PTPRM: variants seen among roughly 807,000 people sequenced by gnomAD.
PTPRM encodes receptor-type tyrosine-protein phosphatase mu.
Under a neutral mutation model 186.7 loss-of-function variants are expected in PTPRM, and 47 were observed. The ratio of observed to expected loss-of-function variants is 0.25; its 90% confidence interval spans 0.20 to 0.32. The LOEUF is 0.32. Among genes scored for constraint, PTPRM ranks in the 10% least tolerant of loss-of-function variants. The pLI is 1.00. For synonymous variants in PTPRM, 668 were observed against 674.9 expected (o/e 0.99, Z 0.16); for missense variants, 1,494 against 1,865.0 (o/e 0.80, Z 3.66).
chr18:7,622,415 C>A (rs79378424), intron 1 of PTPRM, among the ~76,000 whole-genome samples: 10,357 of 152,104 alleles, frequency 0.068, 512 homozygotes, highest in South Asian at 0.2. Context: ...TGATACTGGG[C>A]TCCCAGGGGT....
chr18:8,289,535 CACAT>C (rs2095007077), intron 19 of PTPRM, among the ~76,000 whole-genome samples: 3 of 65,008 alleles, frequency 4.6e-5, no homozygotes, highest in East Asian at 2.8e-4. Context: ...CATATATATA[CACAT>C]ATATATATAT....
At chr18:8,193,824 A>G (rs1446907251) in intron 14 of PTPRM, among the ~76,000 whole-genome samples, 1 of 152,158 alleles carries the variant, frequency 6.6e-6, no homozygotes, top group Non-Finnish European at 1.5e-5. Flanking sequence ...CACCCAGGCC[A>G]CTCTGCTATG....
At chr18:7,591,933 C>G (rs935483338) in intron 1 of PTPRM, among the ~76,000 whole-genome samples, 1 of 152,158 alleles carries the variant, frequency 6.6e-6, no homozygotes, top group African/African-American at 2.4e-5. Flanking sequence ...ATACCAACCT[C>G]AGGGGGCTCT....
At chr18:8,000,231 T>C (rs1240466442) in intron 7 of PTPRM, among the ~76,000 whole-genome samples, 3 of 152,182 alleles carry the variant, frequency 2.0e-5, no homozygotes, top group African/African-American at 7.2e-5. Context: ...ACCTGACACA[T>C]AAAATCAACC....
intron 1 of PTPRM, among the ~76,000 whole-genome samples, chr18:7,635,699 C>T (rs949033498): frequency 3.3e-5 from 5 of 152,164 alleles, no homozygotes; most frequent in African/African-American, 1.2e-4. Context: ...CCAAACATGG[C>T]GGAAACTTCT....
rs138248516 is a variant in PTPRM, at chr18:7,981,617, A to G, written c.1132+26203A>G. On this transcript the variant is annotated intron_variant, in intron 7 of 32. Coordinates refer to ENST00000580170, the MANE Select transcript of PTPRM (RefSeq NM_001105244.2). Reference sequence around the variant, plus strand: ...GTGACAGGACAAAGTACTGAAATATATATGAGTATGAAGTATATGCAGTCA... The same window carrying G: ...GTGACAGGACAAAGTACTGAAATATGTATGAGTATGAAGTATATGCAGTCA... Among the ~76,000 whole-genome samples, 703 of 152,256 alleles carry G rather than the reference A, an allele frequency of 4.6e-3. 4 individuals are homozygous for G. Among genetic ancestry groups the G allele is most frequent in the African/African-American group, 0.016 (686 of 41,584 alleles).
chr18:7,837,170 GTTC>G (rs1215355130), intron 2 of PTPRM, among the ~76,000 whole-genome samples: 4 of 151,940 alleles, frequency 2.6e-5, no homozygotes, highest in Non-Finnish European at 5.9e-5. Flanking sequence ...CTATTTTCTA[GTTC>G]CTATAGGTGT....
At chr18:8,193,716 G>C (rs2093738327) in intron 14 of PTPRM, among the ~76,000 whole-genome samples, 1 of 152,226 alleles carries the variant, frequency 6.6e-6, no homozygotes, top group African/African-American at 2.4e-5. Context: ...GAGGGACCCA[G>C]GGCTTCCTGA....
chr18:7,937,750 TAA>T (rs1465193145), intron 5 of PTPRM, among the ~76,000 whole-genome samples: 1 of 152,226 alleles, frequency 6.6e-6, no homozygotes, highest in Non-Finnish European at 1.5e-5. Flanking sequence ...TGTCATCACC[TAA>T]AAGTGACCAA....
intron 2 of PTPRM, among the ~76,000 whole-genome samples, chr18:7,882,166 T>G (rs2048542377): frequency 6.6e-6 from 1 of 152,174 alleles, no homozygotes; most frequent in South Asian, 2.1e-4. Flanking sequence ...TTTAGAAAAT[T>G]TTTATAGGAA....
chr18:7,751,352 GT>G, intron 1 of PTPRM: 1 of 152,278 alleles, frequency 6.6e-6, no homozygotes, highest in Non-Finnish European at 1.5e-5. Context: ...CTCATTCAAC[GT>G]TTTTGTATCC....
chr18:8,030,761 G>A (rs946883815), intron 7 of PTPRM, among the ~76,000 whole-genome samples: 6 of 152,038 alleles, frequency 3.9e-5, no homozygotes, highest in South Asian at 2.1e-4. Context: ...TTCTTAATAC[G>A]GTGACAGGTA....
intron 13 of PTPRM, among the ~76,000 whole-genome samples, chr18:8,133,237 A>AT (rs1380283821): frequency 6.6e-6 from 1 of 152,164 alleles, no homozygotes; most frequent in Non-Finnish European, 1.5e-5. Flanking sequence ...TGCAACATGA[A>AT]TTTTGCAGAG....
intron 1 of PTPRM, among the ~76,000 whole-genome samples, chr18:7,769,674 G>A (rs897614963): frequency 4.6e-5 from 7 of 152,018 alleles, no homozygotes; most frequent in Non-Finnish European, 8.8e-5. Context: ...CAGTTTTATC[G>A]ATTTAATTTT....
intron 2 of PTPRM, among the ~76,000 whole-genome samples, chr18:7,791,386 C>A (rs540498816): frequency 4.7e-4 from 72 of 152,116 alleles, no homozygotes; most frequent in Non-Finnish European, 9.3e-4. Context: ...CACTGTGGAC[C>A]TTTATTTCCC....
chr18:7,923,941 T>G (rs1334930709), intron 4 of PTPRM, among the ~76,000 whole-genome samples: 5 of 152,226 alleles, frequency 3.3e-5, no homozygotes, highest in Non-Finnish European at 7.3e-5. Flanking sequence ...GTGGGTTGAT[T>G]GCTGCGCAGA....
intron 19 of PTPRM, among the ~76,000 whole-genome samples, chr18:8,276,991 G>T (rs2094843741): frequency 6.6e-6 from 1 of 151,528 alleles, no homozygotes; most frequent in Non-Finnish European, 1.5e-5. Flanking sequence ...CCAGGCTGGA[G>T]TTCAGTGACG....
intron 6 of PTPRM, among the ~76,000 whole-genome samples, chr18:7,950,375 G>C (rs2052857992): frequency 6.6e-6 from 1 of 152,160 alleles, no homozygotes; most frequent in South Asian, 2.1e-4. Context: ...CTGCATTCCA[G>C]CCAACCTGGA....
At chr18:8,313,281 C>T (rs1455983615) in intron 20 of PTPRM, among the ~76,000 whole-genome samples, 1 of 152,148 alleles carries the variant, frequency 6.6e-6, no homozygotes. Flanking sequence ...TCTTATCAGG[C>T]CCCCCTGTGC....
Sources: allele counts gnomAD v4.1 joint callset (sites outside exome capture counted in the v4.1 genomes callset), GRCh38; gene constraint gnomAD v4.1.1; transcripts MANE v1.5; gene names NCBI Gene and HGNC (gene_info 2026-07-23, HGNC 2026-07-21).